The following CEP95 variants were observed in gnomAD, a reference collection of about 807,000 sequenced individuals.
CEP95 encodes centrosomal protein of 95 kDa.
A neutral mutation model predicts 111.2 loss-of-function variants in CEP95; 98 were observed. The observed-to-expected ratio is 0.88, with a 90% CI of 0.75 to 1.04. The LOEUF is 1.04. CEP95 is among the 50% of genes least tolerant of loss of function. The probability of loss-of-function intolerance (pLI) is 0.00; values close to 1 mark genes in which losing one functional copy is unlikely to be tolerated. For missense variants in CEP95, 1,027 were observed against 977.2 expected (o/e 1.05, Z -0.68); for synonymous variants, 323 against 327.1 (o/e 0.99, Z 0.14).
rs1555681702 is a variant in CEP95, at chr17:64,537,021, T to G, written c.2218-20T>G. On this transcript the variant is annotated intron_variant, in intron 18 of 19. Transcript: ENST00000556440. ...ACAAACATTAAATATAATATTTGTT[T>G]TTTTTCTTCCTATAAACAGTTTTCA... The G allele has an allele frequency of 6.3e-7, 1 of 1,589,404 alleles. No homozygotes were observed. Among genetic ancestry groups the G allele is most frequent in the African/African-American group, 1.4e-5 (1 of 73,738 alleles).
At chr17:64,535,739 G>A (rs1968608179) in intron 17 of CEP95, 1 of 152,026 alleles carries the variant, frequency 6.6e-6, no homozygotes, top group African/African-American at 2.4e-5. Flanking sequence ...TTCACTCCTA[G>A]CTATATAATC....
upstream of CEP95, chr17:64,506,876 C>T (rs942154613): frequency 9.4e-6 from 6 of 641,624 alleles, no homozygotes; most frequent in Admixed American, 2.4e-5. Context: ...CTCTAAACTT[C>T]CCAAACCGCC....
At chr17:64,524,662 T>A (rs1345805733) in intron 8 of CEP95, among the ~76,000 whole-genome samples, 1 of 152,130 alleles carries the variant, frequency 6.6e-6, no homozygotes, top group Non-Finnish European at 1.5e-5. Context: ...TGAAGTGAAA[T>A]TAAAGATATC....
chr17:64,511,486 C>G (rs1555674953), intron 3 of CEP95, among the ~76,000 whole-genome samples: 1 of 152,222 alleles, frequency 6.6e-6, no homozygotes, highest in East Asian at 1.9e-4. Context: ...AGAAATATGG[C>G]TCTGTTCCGC....
chr17:64,507,400 CG>C, intron 1 of CEP95: 1 of 1,376,706 alleles, frequency 7.3e-7, no homozygotes, highest in Non-Finnish European at 9.4e-7. Flanking sequence ...GGGTCGTCCC[CG>C]GACTTGTCTT....
At chr17:64,512,939 T>G (rs1555675469) in intron 3 of CEP95, among the ~76,000 whole-genome samples, 1 of 152,192 alleles carries the variant, frequency 6.6e-6, no homozygotes, top group Non-Finnish European at 1.5e-5. Flanking sequence ...GAGCTGTCTT[T>G]GACAGATTAC....
At chr17:64,525,419 T>C (rs572980867) in intron 8 of CEP95, among the ~76,000 whole-genome samples, 13 of 152,230 alleles carry the variant, frequency 8.5e-5, no homozygotes, top group Non-Finnish European at 1.6e-4. Context: ...ACAGCCTTTA[T>C]TGACATTGAT....
At position 64,537,364 on chromosome 17, in the gene CEP95, A is replaced by G. The variant is rs1411598427; in HGVS notation, c.2290-239A>G. The G allele has an allele frequency of 2.1e-6, 3 of 1,401,970 alleles. No homozygotes were observed. In the Admixed American group the frequency reaches 9.7e-5, roughly 45 times the overall value. The allele number at this position is 1,401,970 out of a possible 1,614,324, so 86.8% of individuals were successfully genotyped here. ...TAATTTACATTTTTAGGAAGTAGAAAACCAAATGTATTATACCTGTAAAGG... is the reference window on the plus strand; with the variant it reads ...TAATTTACATTTTTAGGAAGTAGAAGACCAAATGTATTATACCTGTAAAGG... On this transcript the variant is annotated intron_variant, in intron 19 of 19. Transcript: ENST00000556440.
chr17:64,511,572 T>C (rs781891749), intron 3 of CEP95, among the ~76,000 whole-genome samples: 12 of 152,236 alleles, frequency 7.9e-5, no homozygotes, highest in Non-Finnish European at 1.8e-4. Context: ...GTTCTTTTTT[T>C]CAAGGTGCCC....
chr17:64,506,773 A>C, upstream of CEP95: 1 of 516,404 alleles, frequency 1.9e-6, no homozygotes, highest in South Asian at 2.2e-5. Context: ...CGCTGCTCGC[A>C]CCCCGGGACC....
Position 64,514,078 on chromosome 17 carries a change from T to C in CEP95, c.257-170T>C, listed in dbSNP as rs568345350. On this transcript the variant is annotated intron_variant, in intron 3 of 19. Transcript: ENST00000556440. ...AAATTGTTGTTCTTAATATTTATAA[T>C]TGTTTCACCTGTATTCTTTTTTTTA... is the stretch of plus-strand genomic sequence containing the variant. 8.0e-4 allele frequency: 335 copies of C among 417,776 alleles called. 3 individuals carry two copies. The highest frequency in any genetic ancestry group is 6.4e-3 in the African/African-American group (315 of 49,344). 25.9% of individuals were successfully genotyped at this position (417,776 alleles called of 1,614,324 possible).
chr17:64,508,506 G>A (rs369597775), intron 1 of CEP95, 86 bp from the exon 2 acceptor site: 10 of 1,231,012 alleles, frequency 8.1e-6, no homozygotes, highest in African/African-American at 1.6e-5. Flanking sequence ...TTTTTGTTGG[G>A]GGGGAGGTTG....
chr17:64,533,174 G>T lies in CEP95; in HGVS notation c.1900G>T (p.Glu634Ter). Reference sequence around the variant, plus strand: ...TACTACCCTTGTCAAGAAAGAATATGAACATAACAAGAGACTGGTATGTCA... The same window carrying T: ...TACTACCCTTGTCAAGAAAGAATATTAACATAACAAGAGACTGGTATGTCA... The part of the protein sequence containing the change: ...LLTTLVKKEY[E>*]HNKRLQDFKD... The change falls in exon 16 of 20, where the codon GAA becomes TAA. Residue 634 changes from glutamate (E) to a stop codon, truncating the protein, a stop_gained. Transcript: ENST00000556440. LOFTEE classifies it high-confidence loss of function. 1.3e-6 allele frequency: 2 copies of T among 1,587,512 alleles called. No homozygotes were observed. Among genetic ancestry groups the T allele is most frequent in the South Asian group, 2.3e-5 (2 of 86,204 alleles).
At chr17:64,532,255 C>T (rs1164281973) in intron 14 of CEP95, 5 of 1,222,946 alleles carry the variant, frequency 4.1e-6, no homozygotes, top group African/African-American at 3.1e-5. Flanking sequence ...AGGACTGCCA[C>T]CTGCTGCTCC....
chr17:64,514,278 C>G lies in CEP95; in HGVS notation c.287C>G (p.Ser96Cys). 6.8e-7 allele frequency: 1 copy of G among 1,471,386 alleles called. No homozygotes were observed. Among genetic ancestry groups the G allele is most frequent in the Non-Finnish European group, 9.3e-7 (1 of 1,074,974 alleles). The allele number at this position is 1,471,386 out of a possible 1,614,324, so 91.1% of individuals were successfully genotyped here. A position where few individuals can be genotyped will look rare whatever the true frequency, so the allele number is the denominator to read the frequency against. The part of the protein sequence containing the change: ...GENIVKGDKE[S>C]IKNLLEIFDG... ...AATATAGTGAAAGGAGATAAAGAAT[C>G]TATTAAGAATCTCCTGGAAATATTT... Residue 96 changes from serine (S) to cysteine (C), a missense_variant, in exon 4 of 20, where the codon TCT becomes TGT. By Grantham distance (112) the Ser-to-Cys change is moderately radical. Coordinates refer to ENST00000556440, the MANE Select transcript of CEP95 (RefSeq NM_138363.3).
intron 14 of CEP95, 168 bp from the exon 15 acceptor site, chr17:64,532,671 T>C (rs1968360719): frequency 7.0e-7 from 1 of 1,422,512 alleles, no homozygotes; most frequent in Non-Finnish European, 9.1e-7. Flanking sequence ...TTACCAGTAG[T>C]TGGCTTACTC....
In CEP95 at chr17:64,507,013, T is replaced by G. The variant is rs3744407; in HGVS notation, c.-85T>G. 106 of 1,491,954 alleles carry G rather than the reference T, an allele frequency of 7.1e-5. 1 individual carries two copies. The South Asian group carries it at 1.3e-3, about 18-fold the overall frequency. The allele number at this position is 1,491,954 out of a possible 1,614,324, so 92.4% of individuals were successfully genotyped here. On this transcript the variant is annotated 5_prime_UTR_variant, in exon 1 of 20. Transcript: ENST00000556440. ...TTTGGTTCGTGCGTCCGCGCCCCAG[T>G]GTCGGGTCTGCGTGGATCGGTCCTT...
rs371279591 is a variant in CEP95 at position 64,534,678 on chromosome 17, G to C, written c.2011G>C (p.Asp671His). ...QQIVRARKYYDDYRVQLCAKM... is the reference protein window; with the variant it reads ...QQIVRARKYYHDYRVQLCAKM... ...AATCGTTCGTGCTCGAAAATATTAT[G>C]ATGATTATAGAGTTCAGTTGTGTGC... Residue 671 changes from aspartate (D) to histidine (H), a missense_variant, in exon 17 of 20, where the codon GAT (aspartate) becomes CAT (histidine). Transcript: ENST00000556440. The C allele has an allele frequency of 6.2e-7, 1 of 1,613,368 alleles. No individual in the cohort carries two copies. Among genetic ancestry groups the C allele is most frequent in the Non-Finnish European group, 8.5e-7 (1 of 1,179,578 alleles).
chr17:64,537,139 A>G, intron 19 of CEP95, 27 bp downstream of exon 19: 2 of 1,603,958 alleles, frequency 1.2e-6, no homozygotes, highest in East Asian at 2.2e-5. Context: ...AAGCCAAGTC[A>G]TGCACTGCAT....
Sources: gnomAD v4.1 joint callset for allele counts (sites outside exome capture counted in the v4.1 genomes callset) on GRCh38, gnomAD v4.1.1 for gene constraint, MANE v1.5 for transcripts, NCBI Gene and HGNC (gene_info 2026-07-23, HGNC 2026-07-21) for gene names.